Variants in DNAH1 observed in about 807,000 individuals in gnomAD.
DNAH1 encodes the protein dynein axonemal heavy chain 1.
A neutral mutation model predicts 484.3 loss-of-function variants in DNAH1; 327 were observed. The ratio of observed to expected loss-of-function variants is 0.68; its 90% CI spans 0.62 to 0.74. The LOEUF is 0.74. Ranked by LOEUF, DNAH1 falls within the 30% of genes least tolerant of loss-of-function variation. The pLI is 0.00. For missense variants in DNAH1, 5,052 were observed against 5,546.8 expected (o/e 0.91, Z 2.83); for synonymous variants, 2,192 against 2,191.9 (o/e 1.00, Z 0.00).
chr3:52,378,152 G>A (rs766100033), intron 46 of DNAH1, among the ~76,000 whole-genome samples: 4 of 152,126 alleles, frequency 2.6e-5, no homozygotes, highest in Admixed American at 1.3e-4. Flanking sequence ...CAGCCCCGAA[G>A]TGGGTGGTAA....
At chr3:52,399,322 C>A in intron 76 of DNAH1, 121 bp downstream of exon 76, 1 of 1,149,970 alleles carries the variant, frequency 8.7e-7, no homozygotes, top group Non-Finnish European at 1.2e-6. Flanking sequence ...TGGAAAGACC[C>A]AAGCCAGAAG....
chr3:52,398,886 G>A lies in DNAH1; in HGVS notation c.12126G>A (p.Leu4042=), dbSNP rs1381747275. The A allele has an allele frequency of 6.3e-7, 1 of 1,588,378 alleles. No homozygotes were observed. The highest frequency in any genetic ancestry group is 1.1e-5 in the South Asian group (1 of 87,334). ...TGCTGCAGGTGATCACACAGACACT[G>A]CAAGACCTACTCAAGGCACTCAAGG... ...NRLLQVITQT[L]QDLLKALKGL... The change falls in exon 76 of 78, where the codon CTG becomes CTA. Residue 4042 remains leucine, a synonymous_variant. Coordinates refer to ENST00000420323, the MANE Select transcript of DNAH1 (RefSeq NM_015512.5).
chr3:52,373,265 G>GGGGAAGCGA (rs1703431528), intron 44 of DNAH1, among the ~76,000 whole-genome samples: 2 of 152,228 alleles, frequency 1.3e-5, no homozygotes, highest in South Asian at 4.1e-4. Flanking sequence ...GCCTGGAAAA[G>GGGGAAGCGA]GGGAAGCGAG....
At position 52,366,886 on chromosome 3, in the gene DNAH1, T is replaced by G; in HGVS notation, c.5764T>G (p.Trp1922Gly). 1 of 1,609,476 alleles carries G rather than the reference T, an allele frequency of 6.2e-7. No individual in the cohort carries two copies. Among genetic ancestry groups the G allele is most frequent in the Non-Finnish European group, 8.5e-7 (1 of 1,176,756 alleles). ...YGEFDLLTHE[W>G]TDGIFSSFIR... ...GGAGTTTGACCTCCTCACCCATGAG[T>G]GGTGAGTGACCCCCCAGCCTCACCG... Residue 1922 changes from tryptophan (W) to glycine (G), a missense_variant and splice_region_variant, in exon 36 of 78, where the codon TGG (tryptophan) becomes GGG (glycine). By Grantham distance (184) the Trp-to-Gly change is radical (BLOSUM62 -2). Transcript: ENST00000420323.
At chr3:52,356,281 C>T (rs995752819) in intron 21 of DNAH1, among the ~76,000 whole-genome samples, 1 of 152,182 alleles carries the variant, frequency 6.6e-6, no homozygotes, top group African/African-American at 2.4e-5. Context: ...TGGTTTGTCT[C>T]CCAGGCACCG....
chr3:52,315,774 G>A (rs1700929054), upstream of DNAH1, among the ~76,000 whole-genome samples: 1 of 152,226 alleles, frequency 6.6e-6, no homozygotes. Context: ...TGGCCTTCAG[G>A]ACAGGGCAGG....
chr3:52,399,542 C>A lies in DNAH1; in HGVS notation c.12442-3C>A. The A allele has an allele frequency of 1.2e-6, 2 of 1,604,774 alleles. No homozygotes were observed. Among genetic ancestry groups the A allele is most frequent in the South Asian group, 2.2e-5 (2 of 90,320 alleles). ...TGTGGGGTGTGTCTGTGTCTACCCA[C>A]AGGTGATGTTTGAGGCACCATCAGA... On this transcript the variant is annotated splice_polypyrimidine_tract_variant and splice_region_variant and intron_variant, in intron 76 of 77. Transcript: ENST00000420323.
chr3:52,338,763 C>T lies in DNAH1; in HGVS notation c.1287-5727C>T, dbSNP rs545972373. 1.1e-4 allele frequency among the ~76,000 whole-genome samples: 17 copies of T among 151,960 alleles called. No individual in the cohort carries two copies. The South Asian group carries it at 2.3e-3, about 20-fold the overall frequency. ...GAGGTTGGCCGGGCATGGTGGTTCA[C>T]GCCTGTAATCCCAGCACTTTGGGAG... On this transcript the variant is annotated intron_variant, in intron 8 of 77. Transcript: ENST00000420323.
chr3:52,389,415 C>T (rs749052751), intron 59 of DNAH1, 46 bp from the exon 60 acceptor site: 1 of 1,608,880 alleles, frequency 6.2e-7, no homozygotes, highest in South Asian at 1.1e-5. Context: ...TGGGAGGTCT[C>T]TGTGAGTGTC....
Position 52,326,788 on chromosome 3 carries a change from G to A in DNAH1, c.635G>A (p.Gly212Asp). ...ATTGAGCAGTTGCTGTTCAGCCAGG[G>A]CATCGACTCCAACAAGCTCATGCCC... is the stretch of plus-strand genomic sequence containing the variant. ...LDIEQLLFSQ[G>D]IDSNKLMPRH... Residue 212 changes from glycine (G) to aspartate (D), a missense_variant, in exon 5 of 78, where the codon GGC (glycine) becomes GAC (aspartate). Gly to Asp is a moderately conservative substitution (Grantham distance 94). This residue lies in a region of DNAH1 where 1,263 missense variants were observed against 1,218.8 expected (regional missense o/e 1.04). Coordinates refer to ENST00000420323, the MANE Select transcript of DNAH1 (RefSeq NM_015512.5). The A allele has an allele frequency of 6.2e-7, 1 of 1,613,748 alleles. No individual in the cohort carries two copies. The highest frequency in any genetic ancestry group is 8.5e-7 in the Non-Finnish European group (1 of 1,179,780).
rs1364614557 is a variant in DNAH1 at position 52,355,087 on chromosome 3, C to T, written c.3693+32C>T. ...CCTCCCCCCAGTCCTTCCCTCATCG[C>T]TCCCCCACTTCAGAGAGCCCGACCC... On this transcript the variant is annotated intron_variant, in intron 21 of 77. Coordinates refer to ENST00000420323, the MANE Select transcript of DNAH1 (RefSeq NM_015512.5). The surrounding 1 kb of genome is among the most constrained non-coding windows in gnomAD (Gnocchi z 4.5). 2.5e-6 allele frequency: 4 copies of T among 1,603,476 alleles called. No individual in the cohort carries two copies. The highest frequency in any genetic ancestry group is 1.7e-4 in the Middle Eastern group (1 of 5,940).
At position 52,375,958 on chromosome 3, in the gene DNAH1, G is replaced by A; in HGVS notation, c.7163G>A (p.Gly2388Glu). 3 of 1,612,186 alleles carry A rather than the reference G, an allele frequency of 1.9e-6. No homozygotes were observed. Among genetic ancestry groups the A allele is most frequent in the Non-Finnish European group, 2.5e-6 (3 of 1,179,392 alleles). ...FSTILGNWLD[G>E]LLGEKSYRER... The stretch of plus-strand genomic sequence containing the variant: ...TGTTTCTCCCTCCATCCTCTAGATG[G>A]ACTCCTTGGAGAAAAAAGCTACCGG... Residue 2388 changes from glycine (G) to glutamate (E), a missense_variant, in exon 46 of 78, where the codon GGA (glycine) becomes GAA (glutamate). Coordinates refer to ENST00000420323, the MANE Select transcript of DNAH1 (RefSeq NM_015512.5).
chr3:52,320,150 G>A (rs78502794), intron 1 of DNAH1, among the ~76,000 whole-genome samples: 130 of 152,348 alleles, frequency 8.5e-4, no homozygotes, highest in African/African-American at 3.1e-3. Flanking sequence ...TCCAAGCCCT[G>A]CTCTGTTGGG....
In DNAH1 at chr3:52,363,111, C is replaced by G. The variant is rs1306831337; in HGVS notation, c.5211C>G (p.Thr1737=). The G allele has an allele frequency of 6.2e-7, 1 of 1,613,996 alleles. No individual in the cohort carries two copies. Among genetic ancestry groups the G allele is most frequent in the East Asian group, 2.2e-5 (1 of 44,884 alleles). Residue 1737 remains threonine (T), a synonymous_variant, in exon 32 of 78, where the codon ACC becomes ACG. Transcript: ENST00000420323. Reference sequence around the variant, plus strand: ...TGCTGGCTAAGAAGATCACAACCACCTTCAAGCTGTCTTCTGAGCAGCTCA... The same window carrying G: ...TGCTGGCTAAGAAGATCACAACCACGTTCAAGCTGTCTTCTGAGCAGCTCA... ...ASVLAKKITT[T]FKLSSEQLSS...
intron 16 of DNAH1, among the ~76,000 whole-genome samples, chr3:52,351,096 C>T (rs1702359801): frequency 6.6e-6 from 1 of 152,174 alleles, no homozygotes; most frequent in African/African-American, 2.4e-5. Flanking sequence ...GTGATCCACC[C>T]GCCGCGCCCT....
intron 8 of DNAH1, among the ~76,000 whole-genome samples, chr3:52,341,189 C>T (rs1248776143): frequency 6.6e-6 from 1 of 152,164 alleles, no homozygotes; most frequent in Non-Finnish European, 1.5e-5. Flanking sequence ...CAATGCAGGA[C>T]GCCCCAGGGT....
chr3:52,390,129 A>G (rs1455507385), intron 60 of DNAH1, among the ~76,000 whole-genome samples: 1 of 152,094 alleles, frequency 6.6e-6, no homozygotes, highest in Non-Finnish European at 1.5e-5. Context: ...TCAAAAGAGA[A>G]AAAAAAAGAG....
At chr3:52,392,440 C>T (rs745827263) in intron 63 of DNAH1, 24 bp from the exon 64 acceptor site, 3 of 1,610,296 alleles carry the variant, frequency 1.9e-6, no homozygotes, top group Non-Finnish European at 2.5e-6. Flanking sequence ...GTATTACAGA[C>T]TTGGTGTCCC....
chr3:52,349,069 C>T lies in DNAH1; in HGVS notation c.2288C>T (p.Ala763Val), dbSNP rs1383587745. 8 of 1,612,842 alleles carry T rather than the reference C, an allele frequency of 5.0e-6. No homozygotes were observed. In the African/African-American group the frequency reaches 8.0e-5, roughly 16 times the overall value. ...KYLELNNNDI[A>V]SFLKTYQTQG... The stretch of plus-strand genomic sequence containing the variant: ...CTGGAGCTGAACAACAATGACATTG[C>T]CTCCTTTCTCAAGTGCGTACGTGTG... Residue 763 changes from alanine (A) to valine (V), a missense_variant, in exon 13 of 78, where the codon GCC becomes GTC. By Grantham distance (64) the Ala-to-Val change is moderately conservative. This residue lies in a region of DNAH1 where 1,263 missense variants were observed against 1,218.8 expected (regional missense o/e 1.04). Transcript: ENST00000420323.
Sources: gnomAD v4.1 joint callset for allele counts (sites outside exome capture counted in the v4.1 genomes callset) on GRCh38, gnomAD v4.1.1 for gene constraint, gnomAD v4.1.1 regional missense constraint, Gnocchi (gnomAD v3.1) non-coding constraint, MANE v1.5 for transcripts, NCBI Gene and HGNC (gene_info 2026-07-23, HGNC 2026-07-21) for gene names.